Variants in PLEK observed in about 807,000 individuals in gnomAD.
The protein encoded by PLEK is pleckstrin.
Under a neutral mutation model 43.9 loss-of-function variants are expected in PLEK, and 25 were observed. The ratio of observed to expected loss-of-function variants is 0.57; its 90% confidence interval spans 0.41 to 0.79. The LOEUF (loss-of-function observed/expected upper bound fraction) is 0.79, where lower values mean the gene tolerates loss of function less well. Among genes scored for constraint, PLEK ranks in the 30% least tolerant of loss-of-function variants. PLEK has a pLI of 0.00. For missense variants in PLEK, 396 were observed against 413.3 expected, an observed-to-expected ratio of 0.96 and a Z score of 0.36; for synonymous variants, 152 against 144.4, an observed-to-expected ratio of 1.05 and a Z score of -0.38.
At chr2:68,381,443 G>C (rs982734667) in intron 3 of PLEK, among the ~76,000 whole-genome samples, 2 of 152,198 alleles carry the variant, frequency 1.3e-5, no homozygotes, top group Admixed American at 1.3e-4. Context: ...AGGCCAACAG[G>C]AAGATCTAGC....
At chr2:68,387,888 C>G (rs1673780409) in intron 5 of PLEK, 1 of 152,076 alleles carries the variant, frequency 6.6e-6, no homozygotes, top group African/African-American at 2.4e-5. Context: ...TCATCATCTA[C>G]TTTTGCTGAG....
At chr2:68,376,047 TGACATTCATATTCA>T (rs998390372) in intron 1 of PLEK, among the ~76,000 whole-genome samples, 26 of 152,228 alleles carry the variant, frequency 1.7e-4, no homozygotes, top group African/African-American at 6.3e-4. Flanking sequence ...AGTTTCTTTT[TGACATTCATATTCA>T]GATAAAATCT....
intron 1 of PLEK, among the ~76,000 whole-genome samples, chr2:68,369,265 G>A (rs376231362): frequency 6.6e-6 from 1 of 152,138 alleles, no homozygotes; most frequent in African/African-American, 2.4e-5. Flanking sequence ...GAGGCAAATG[G>A]CCTTGTCCAA....
chr2:68,391,223 C>T (rs1558501321), intron 6 of PLEK, among the ~76,000 whole-genome samples: 1 of 147,978 alleles, frequency 6.8e-6, no homozygotes, highest in Non-Finnish European at 1.5e-5. Context: ...CAACACGTCA[C>T]ATTGTGATGT....
chr2:68,367,879 T>A (rs1223314768), intron 1 of PLEK, among the ~76,000 whole-genome samples: 1 of 152,208 alleles, frequency 6.6e-6, no homozygotes, highest in South Asian at 2.1e-4. Flanking sequence ...ATTCACCTTT[T>A]TCTCTTATGC....
At chr2:68,367,961 C>A (rs1027558872) in intron 1 of PLEK, among the ~76,000 whole-genome samples, 14 of 152,148 alleles carry the variant, frequency 9.2e-5, no homozygotes, top group African/African-American at 3.4e-4. Flanking sequence ...AATTTTATTG[C>A]AGATAAGTTG....
intron 1 of PLEK, among the ~76,000 whole-genome samples, chr2:68,372,568 T>C (rs913101518): frequency 3.3e-5 from 5 of 152,176 alleles, no homozygotes; most frequent in African/African-American, 1.2e-4. Context: ...TGCTAAATTA[T>C]ACCAGTCCCA....
chr2:68,370,381 G>A (rs1304427019), intron 1 of PLEK, among the ~76,000 whole-genome samples: 1 of 152,202 alleles, frequency 6.6e-6, no homozygotes, highest in Admixed American at 6.5e-5. Context: ...ACCTCAATTT[G>A]TGCATTCATC....
At chr2:68,384,524 AC>A (rs1399256096) in intron 4 of PLEK, among the ~76,000 whole-genome samples, 1 of 152,082 alleles carries the variant, frequency 6.6e-6, no homozygotes, top group African/African-American at 2.4e-5. Flanking sequence ...GTGGGCTAGT[AC>A]TTCTTAAATC....
chr2:68,392,746 T>G (rs1673885515), intron 6 of PLEK, among the ~76,000 whole-genome samples: 1 of 152,260 alleles, frequency 6.6e-6, no homozygotes, highest in Non-Finnish European at 1.5e-5. Flanking sequence ...CCCTACTTAA[T>G]GCCTTTGGAA....
intron 1 of PLEK, among the ~76,000 whole-genome samples, chr2:68,379,617 G>A (rs113793744): frequency 6.6e-6 from 1 of 152,148 alleles, no homozygotes; most frequent in Non-Finnish European, 1.5e-5. Flanking sequence ...TTTCTGTGAG[G>A]TGGGTCCTTT....
At chr2:68,387,263 C>T (rs1350561485) in intron 5 of PLEK, among the ~76,000 whole-genome samples, 1 of 152,192 alleles carries the variant, frequency 6.6e-6, no homozygotes, top group Non-Finnish European at 1.5e-5. Flanking sequence ...GCCTCTGCCT[C>T]CCAACTATCT....
chr2:68,374,326 C>T (rs902804248), intron 1 of PLEK, among the ~76,000 whole-genome samples: 11 of 152,176 alleles, frequency 7.2e-5, no homozygotes, highest in African/African-American at 2.4e-4. Context: ...TAATATTCTG[C>T]ATAGCGGCTT....
intron 8 of PLEK, among the ~76,000 whole-genome samples, chr2:68,395,114 T>A (rs531627320): frequency 1.3e-5 from 2 of 152,008 alleles, no homozygotes; most frequent in Admixed American, 6.6e-5. Context: ...TAGTGCTTGA[T>A]GAAAAACAGT....
At chr2:68,387,722 T>C (rs1178187549) in intron 5 of PLEK, among the ~76,000 whole-genome samples, 2 of 152,066 alleles carry the variant, frequency 1.3e-5, no homozygotes, top group Non-Finnish European at 2.9e-5. Flanking sequence ...CTTATAAACA[T>C]GAAGTGAACA....
chr2:68,390,289 A>T (rs1230760727), intron 6 of PLEK, among the ~76,000 whole-genome samples: 1 of 152,238 alleles, frequency 6.6e-6, no homozygotes, highest in Admixed American at 6.5e-5. Flanking sequence ...TTAAAACTGC[A>T]TGCCAGGCCA....
Position 68,380,862 on chromosome 2 carries a change from C to T in PLEK, c.338C>T (p.Ser113Phe), listed in dbSNP as rs760670522. The T allele has an allele frequency of 1.2e-6, 2 of 1,614,022 alleles. No homozygotes were observed. Among genetic ancestry groups the T allele is most frequent in the Non-Finnish European group, 8.5e-7 (1 of 1,179,912 alleles). The change falls in exon 3 of 9, where the codon TCT becomes TTT. Residue 113 changes from serine to phenylalanine, a missense_variant. By Grantham distance (155) the Ser-to-Phe change is radical. Coordinates refer to ENST00000234313, the MANE Select transcript of PLEK (RefSeq NM_002664.3). ...IEGGQKFARK[S>F]TRRSIRLPET... ...GGAGGCCAGAAATTTGCCAGGAAATCTACCAGGAGGTCCATTCGACTGCCA... is the reference window on the plus strand; with the variant it reads ...GGAGGCCAGAAATTTGCCAGGAAATTTACCAGGAGGTCCATTCGACTGCCA...
chr2:68,374,717 G>C (rs1002562072), intron 1 of PLEK, among the ~76,000 whole-genome samples: 1 of 152,178 alleles, frequency 6.6e-6, no homozygotes, highest in Admixed American at 6.5e-5. Flanking sequence ...TTTCTCATAA[G>C]CTATGCCTGT....
rs1225909989 is a variant in PLEK at position 68,380,428 on chromosome 2, T to A, written c.143T>A (p.Ile48Asn). The change falls in exon 2 of 9, where the codon ATC becomes AAC. Residue 48 changes from isoleucine (I) to asparagine (N), a missense_variant. Coordinates refer to ENST00000234313, the MANE Select transcript of PLEK (RefSeq NM_002664.3). Reference protein sequence around the residue: ...KKSDNSPKGMIPLKGSTLTSP... With the variant: ...KKSDNSPKGMNPLKGSTLTSP... ...AGTGACAACAGCCCCAAAGGAATGA[T>A]CCCGCTGAAAGGGAGCACTCTGACT... 1 of 1,613,872 alleles carries A rather than the reference T, an allele frequency of 6.2e-7. No individual in the cohort carries two copies. Among genetic ancestry groups the A allele is most frequent in the East Asian group, 2.2e-5 (1 of 44,880 alleles).
Sources: gnomAD v4.1 joint callset for allele counts (sites outside exome capture counted in the v4.1 genomes callset) on GRCh38, gnomAD v4.1.1 for gene constraint, MANE v1.5 for transcripts, NCBI Gene and HGNC (gene_info 2026-07-23, HGNC 2026-07-21) for gene names.